The following BCAS3 variants were observed in gnomAD, a reference collection of about 807,000 sequenced individuals.
The protein encoded by BCAS3 is BCAS4/BCAS3 fusion.
Under a neutral mutation model 116.1 loss-of-function variants are expected in BCAS3, and 53 were observed. The ratio of observed to expected loss-of-function variants is 0.46; its 90% CI spans 0.37 to 0.57. BCAS3 has a LOEUF of 0.57. BCAS3 is among the 20% of genes least tolerant of loss of function. BCAS3 has a pLI of 0.00. For synonymous variants in BCAS3, 391 were observed against 408.2 expected, an observed-to-expected ratio of 0.96 and a Z score of 0.51; for missense variants, 917 against 1,165.4, an observed-to-expected ratio of 0.79 and a Z score of 3.10.
chr17:60,861,979 G>C (rs570735963), intron 7 of BCAS3, among the ~76,000 whole-genome samples: 1 of 152,222 alleles, frequency 6.6e-6, no homozygotes, highest in African/African-American at 2.4e-5. Flanking sequence ...GCCAGGTTTT[G>C]GTATCAGAAT....
rs1439722064 is a variant in BCAS3, at chr17:60,697,908, G to A, written c.214+8147G>A. Among the ~76,000 whole-genome samples, 7 of 152,254 alleles carry A rather than the reference G, an allele frequency of 4.6e-5. No homozygotes were observed. In the East Asian group the frequency reaches 5.8e-4, roughly 13 times the overall value. Reference sequence around the variant, plus strand: ...CCAGTAAAGAAAATAGGCCGGGTACGATGGCTCACGCCTGTAATCCCAGCA... The same window carrying A: ...CCAGTAAAGAAAATAGGCCGGGTACAATGGCTCACGCCTGTAATCCCAGCA... On this transcript the variant is annotated intron_variant, in intron 4 of 23. Coordinates refer to ENST00000407086, the MANE Select transcript of BCAS3 (RefSeq NM_017679.5).
chr17:61,359,676 C>T (rs372866482), intron 22 of BCAS3, among the ~76,000 whole-genome samples: 33 of 152,056 alleles, frequency 2.2e-4, no homozygotes, highest in African/African-American at 6.8e-4. Flanking sequence ...TTTTTAATAG[C>T]GACAGGGTTT....
At chr17:60,790,083 G>C (rs2046628132) in intron 6 of BCAS3, among the ~76,000 whole-genome samples, 2 of 152,046 alleles carry the variant, frequency 1.3e-5, no homozygotes, top group South Asian at 4.1e-4. Flanking sequence ...GCCATTCTCA[G>C]TATAGGGCTT....
intron 16 of BCAS3, among the ~76,000 whole-genome samples, chr17:61,022,044 T>C (rs2065909380): frequency 6.6e-6 from 1 of 152,190 alleles, no homozygotes; most frequent in Non-Finnish European, 1.5e-5. Context: ...CAATGGATGT[T>C]TGGTTCTAGA....
intron 7 of BCAS3, among the ~76,000 whole-genome samples, chr17:60,824,570 C>T (rs2050218687): frequency 1.3e-5 from 2 of 152,336 alleles, no homozygotes; most frequent in South Asian, 4.1e-4. Context: ...CCCTGCTTCT[C>T]AGAGTGAATC....
rs1463584378 is a variant in BCAS3 at position 61,136,585 on chromosome 17, G to C, written c.2425+52021G>C. Among the ~76,000 whole-genome samples, 2 of 152,134 alleles carry C rather than the reference G, an allele frequency of 1.3e-5. No homozygotes were observed. The highest frequency in any genetic ancestry group is 4.8e-5 in the African/African-American group (2 of 41,430). On this transcript the variant is annotated intron_variant, in intron 22 of 23. Transcript: ENST00000407086. This position sits in a 1 kb window ranked among gnomAD's most constrained non-coding sequence, Gnocchi z 4.4. ...TCCCATTTATTTATTGAGAGACGGA[G>C]GCTGGATGTTGTCGCCCAGGCTGGA...
rs16944742 is a variant in BCAS3, at chr17:61,022,979, G to A, written c.1637+7078G>A. On this transcript the variant is annotated intron_variant, in intron 16 of 23. Coordinates refer to ENST00000407086, the MANE Select transcript of BCAS3 (RefSeq NM_017679.5). ...TCTTGAGTTTATCACTTAAAATTGG[G>A]TATCATGTGTATCTCAAATTAGACA... is the stretch of plus-strand genomic sequence containing the variant. 2.2e-3 allele frequency among the ~76,000 whole-genome samples: 342 copies of A among 152,222 alleles called. 1 individual carries two copies. The highest frequency in any genetic ancestry group is 7.8e-3 in the African/African-American group (323 of 41,506).
At position 61,315,201 on chromosome 17, in the gene BCAS3, C is replaced by T. The variant is rs1268271754; in HGVS notation, c.2426-53126C>T. ...CGTGATCTCGGCTCACTGCAGCCTC[C>T]GCCTCCAGGTTAAAGCAATTCTCGT... On this transcript the variant is annotated intron_variant, in intron 22 of 23. Coordinates refer to ENST00000407086, the MANE Select transcript of BCAS3 (RefSeq NM_017679.5). The surrounding 1 kb of genome is among the most constrained non-coding windows in gnomAD (Gnocchi z 5.3). 2.6e-5 allele frequency among the ~76,000 whole-genome samples: 4 copies of T among 152,192 alleles called. No individual in the cohort carries two copies. The highest frequency in any genetic ancestry group is 3.4e-3 in the Middle Eastern group (1 of 294).
intron 7 of BCAS3, among the ~76,000 whole-genome samples, chr17:60,809,471 C>T (rs947075609): frequency 6.6e-6 from 1 of 152,152 alleles, no homozygotes; most frequent in Non-Finnish European, 1.5e-5. Flanking sequence ...GCTCCTGTCC[C>T]ACTCCACACT....
At chr17:61,264,622 G>A (rs545687989) in intron 22 of BCAS3, among the ~76,000 whole-genome samples, 1 of 152,106 alleles carries the variant, frequency 6.6e-6, no homozygotes, top group African/African-American at 2.4e-5. Flanking sequence ...TGGCCAGGCT[G>A]GGCTCAAACT....
At chr17:61,138,855 A>T (rs1381664488) in intron 22 of BCAS3, among the ~76,000 whole-genome samples, 1 of 152,184 alleles carries the variant, frequency 6.6e-6, no homozygotes, top group Non-Finnish European at 1.5e-5. Flanking sequence ...ATGTCTTGGA[A>T]TATTTTTTTT....
At chr17:60,893,464 A>G (rs968150075) in intron 10 of BCAS3, among the ~76,000 whole-genome samples, 1 of 151,796 alleles carries the variant, frequency 6.6e-6, no homozygotes, top group Admixed American at 6.6e-5. Flanking sequence ...TGACTAGCCA[A>G]TTTTCCCAGC....
chr17:60,749,998 T>C (rs895354595), intron 6 of BCAS3, among the ~76,000 whole-genome samples: 8 of 152,122 alleles, frequency 5.3e-5, no homozygotes, highest in Non-Finnish European at 1.0e-4. Flanking sequence ...AAACCTCGTC[T>C]CTACTAAAAA....
chr17:60,729,377 G>T, intron 5 of BCAS3, among the ~76,000 whole-genome samples: 1 of 140,532 alleles, frequency 7.1e-6, no homozygotes, highest in South Asian at 2.3e-4. Context: ...GGTGGCATAT[G>T]TTTAACTATT....
intron 15 of BCAS3, among the ~76,000 whole-genome samples, chr17:60,996,688 A>G (rs1261866283): frequency 6.6e-6 from 1 of 152,166 alleles, no homozygotes; most frequent in Non-Finnish European, 1.5e-5. Context: ...TTTGCAATGC[A>G]TAGATGGTAG....
At chr17:60,903,644 G>A (rs1415777657) in intron 11 of BCAS3, among the ~76,000 whole-genome samples, 2 of 152,170 alleles carry the variant, frequency 1.3e-5, no homozygotes, top group African/African-American at 4.8e-5. Context: ...TGTTACGCAG[G>A]CTGGTCTTGA....
At position 60,727,589 on chromosome 17, in the gene BCAS3, T is replaced by C. The variant is rs923095545; in HGVS notation, c.321+18264T>C. 3 of 824,572 alleles carry C rather than the reference T, an allele frequency of 3.6e-6. No individual in the cohort carries two copies. In the Admixed American group the frequency reaches 8.6e-5, roughly 24 times the overall value. The allele number at this position is 824,572 out of a possible 1,614,324, so 51.1% of individuals were successfully genotyped here. ...ACAGGAAAGGAAAAAACAGACTTTA[T>C]TTTTAAGGGCAGTTTTAGGTTCACG... On this transcript the variant is annotated intron_variant, in intron 5 of 23. Coordinates refer to ENST00000407086, the MANE Select transcript of BCAS3 (RefSeq NM_017679.5).
chr17:61,117,617 A>G (rs2075551495), intron 22 of BCAS3, among the ~76,000 whole-genome samples: 1 of 152,216 alleles, frequency 6.6e-6, no homozygotes, highest in South Asian at 2.1e-4. Flanking sequence ...GTAAATAAGT[A>G]AATAAAAATT....
Position 61,286,310 on chromosome 17 carries a change from A to T in BCAS3, c.2426-82017A>T, listed in dbSNP as rs910332903. ...TCTGAGTTCTCTGAATCTGCATTTG[A>T]AAGTTATCGTGAGCAGATGAAGCAG... On this transcript the variant is annotated intron_variant, in intron 22 of 23. Transcript: ENST00000407086. This position sits in a 1 kb window ranked among gnomAD's most constrained non-coding sequence, Gnocchi z 4.8. 6.6e-6 allele frequency among the ~76,000 whole-genome samples: 1 copy of T among 152,164 alleles called. No homozygotes were observed. The highest frequency in any genetic ancestry group is 1.5e-5 in the Non-Finnish European group (1 of 68,040).
Sources: gnomAD v4.1 joint callset for allele counts (sites outside exome capture counted in the v4.1 genomes callset) on GRCh38, gnomAD v4.1.1 for gene constraint, Gnocchi (gnomAD v3.1) non-coding constraint, MANE v1.5 for transcripts, NCBI Gene and HGNC (gene_info 2026-07-23, HGNC 2026-07-21) for gene names.